Variants in FNIP1 observed in about 807,000 individuals in gnomAD.
The protein encoded by FNIP1 is folliculin interacting protein 1.
Under a neutral mutation model 124.5 loss-of-function variants are expected in FNIP1, and 40 were observed. The observed-to-expected ratio is 0.32, with a 90% CI of 0.25 to 0.42. The LOEUF is 0.42. Among genes scored for constraint, FNIP1 ranks in the 10% least tolerant of loss-of-function variants. FNIP1 has a pLI of 1.00. For synonymous variants in FNIP1, 472 were observed against 470.6 expected, an observed-to-expected ratio of 1.00 and a Z score of -0.04; for missense variants, 1,176 against 1,403.7, an observed-to-expected ratio of 0.84 and a Z score of 2.59.
chr5:131,764,618 GT>G (rs1371600325), intron 1 of FNIP1, among the ~76,000 whole-genome samples: 1 of 151,986 alleles, frequency 6.6e-6, no homozygotes, highest in African/African-American at 2.4e-5. Flanking sequence ...CCTATTTAAT[GT>G]TTTTTAAAAA....
chr5:131,721,182 C>T (rs993668029), intron 3 of FNIP1, among the ~76,000 whole-genome samples: 17 of 152,098 alleles, frequency 1.1e-4, no homozygotes, highest in Admixed American at 7.2e-4. Context: ...ACACGCAACA[C>T]GGATGAATCT....
At chr5:131,738,009 A>G (rs1770372624) in intron 2 of FNIP1, among the ~76,000 whole-genome samples, 1 of 152,136 alleles carries the variant, frequency 6.6e-6, no homozygotes, top group Admixed American at 6.5e-5. Context: ...AGATCAGCAG[A>G]CATTAGTTTT....
At chr5:131,758,214 T>G (rs532128879) in intron 1 of FNIP1, among the ~76,000 whole-genome samples, 116 of 152,302 alleles carry the variant, frequency 7.6e-4, no homozygotes, top group Middle Eastern at 3.4e-3. Flanking sequence ...CATTCTAAAT[T>G]TATTCATTTC....
rs927889779 is a variant in FNIP1, at chr5:131,751,873, A to C, written c.93-7183T>G. On this transcript the variant is annotated intron_variant, in intron 1 of 17. Coordinates refer to ENST00000510461, the MANE Select transcript of FNIP1 (RefSeq NM_133372.3). ...GAGATGAAATGTTCTGGAATTAGAC[A>C]GTGGTGATGGTCACCAAAAAACTTT... is the stretch of plus-strand genomic sequence containing the variant. Among the ~76,000 whole-genome samples the C allele has an allele frequency of 2.6e-5, 4 of 152,228 alleles. No homozygotes were observed. The South Asian group carries it at 8.3e-4, about 32-fold the overall frequency.
rs78582158 is a variant in FNIP1 at position 131,710,065 on chromosome 5, A to G, written c.706+513T>C. 3.1e-3 allele frequency among the ~76,000 whole-genome samples: 470 copies of G among 152,368 alleles called. 2 individuals carry two copies. The highest frequency in any genetic ancestry group is 4.4e-3 in the Non-Finnish European group (299 of 68,030). On this transcript the variant is annotated intron_variant, in intron 7 of 17. Coordinates refer to ENST00000510461, the MANE Select transcript of FNIP1 (RefSeq NM_133372.3). ...TCAACTTGATTATGTAAGCAAATATAGTCATATATGCCTTTTACAGAGCAT... is the reference window on the plus strand; with the variant it reads ...TCAACTTGATTATGTAAGCAAATATGGTCATATATGCCTTTTACAGAGCAT...
intron 13 of FNIP1, among the ~76,000 whole-genome samples, chr5:131,676,944 A>G (rs1273671717): frequency 6.6e-6 from 1 of 152,130 alleles, no homozygotes; most frequent in Admixed American, 6.5e-5. Context: ...GAAAGTTACT[A>G]CCCAGTCACC....
chr5:131,690,728 A>T (rs1403483982), intron 11 of FNIP1, among the ~76,000 whole-genome samples: 3 of 152,198 alleles, frequency 2.0e-5, no homozygotes, highest in Non-Finnish European at 4.4e-5. Context: ...TTAACTTCAG[A>T]CAAAGCAGAG....
intron 1 of FNIP1, among the ~76,000 whole-genome samples, chr5:131,765,677 A>G (rs943096918): frequency 6.6e-5 from 10 of 152,172 alleles, no homozygotes; most frequent in African/African-American, 2.4e-4. Flanking sequence ...TTCTGTTCCA[A>G]TGGTTTATCT....
intron 11 of FNIP1, among the ~76,000 whole-genome samples, chr5:131,693,022 A>T (rs1009491821): frequency 1.6e-4 from 23 of 147,956 alleles, no homozygotes; most frequent in African/African-American, 4.0e-4. Flanking sequence ...AAATAAATTT[A>T]AAAAAAAAAA....
intron 15 of FNIP1, among the ~76,000 whole-genome samples, chr5:131,663,905 G>C (rs1023605243): frequency 1.6e-4 from 25 of 152,200 alleles, no homozygotes; most frequent in Admixed American, 1.5e-3. Context: ...TGGTTTTGAT[G>C]GGAGGCTATA....
At chr5:131,771,879 G>A (rs558965230) in intron 1 of FNIP1, among the ~76,000 whole-genome samples, 3 of 151,954 alleles carry the variant, frequency 2.0e-5, no homozygotes, top group South Asian at 4.2e-4. Context: ...TTCCACCTAC[G>A]CACATTTGAC....
intron 1 of FNIP1, among the ~76,000 whole-genome samples, chr5:131,762,921 AAGAC>A (rs560030857): frequency 8.6e-4 from 131 of 152,308 alleles, no homozygotes; most frequent in African/African-American, 3.1e-3. Flanking sequence ...CAGGCACAGA[AAGAC>A]AAACTTTCCA....
In FNIP1 at chr5:131,726,521, C is replaced by A. The variant is rs1769877204; in HGVS notation, c.354+4383G>T. ...GTAGTTTGTATTTCTGTGGGATCAA[C>A]ACGTTTCTTATTGTGTTTATTTGAT... On this transcript the variant is annotated intron_variant, in intron 3 of 17. Transcript: ENST00000510461. 2.0e-5 allele frequency among the ~76,000 whole-genome samples: 3 copies of A among 151,144 alleles called. No individual in the cohort carries two copies. The Middle Eastern group carries it at 0.01, about 514-fold the overall frequency.
intron 1 of FNIP1, among the ~76,000 whole-genome samples, chr5:131,783,058 G>T (rs1005213139): frequency 2.6e-5 from 4 of 152,230 alleles, no homozygotes; most frequent in African/African-American, 9.6e-5. Context: ...TAGTGTAAAT[G>T]TAACTTTTAT....
intron 2 of FNIP1, among the ~76,000 whole-genome samples, chr5:131,741,610 T>C (rs1770514957): frequency 6.6e-6 from 1 of 152,214 alleles, no homozygotes; most frequent in Non-Finnish European, 1.5e-5. Context: ...AACGCAGAAA[T>C]GGATCAATAT....
chr5:131,657,736 CAAAAAA>C (rs59097834), intron 15 of FNIP1, among the ~76,000 whole-genome samples: 2,960 of 65,078 alleles, frequency 0.045, 175 homozygotes, highest in African/African-American at 0.17. Flanking sequence ...GAAAATAAGG[CAAAAAA>C]AAAAAAAAAA....
In FNIP1 at chr5:131,792,320, C is replaced by A. The variant is rs1772434697; in HGVS notation, c.92+4510G>T. Among the ~76,000 whole-genome samples, 4 of 152,156 alleles carry A rather than the reference C, an allele frequency of 2.6e-5. No homozygotes were observed. In the South Asian group the frequency reaches 8.3e-4, roughly 32 times the overall value. ...GGATTACAGGCGCCCGCCACCACAC[C>A]CAGCTGATTCTTGCATTTTTAGTAG... On this transcript the variant is annotated intron_variant, in intron 1 of 17. Transcript: ENST00000510461.
intron 1 of FNIP1, among the ~76,000 whole-genome samples, chr5:131,777,162 A>C (rs1457469168): frequency 1.3e-5 from 2 of 152,058 alleles, no homozygotes; most frequent in Non-Finnish European, 1.5e-5. Context: ...GTTATAAAAT[A>C]AACTATAGTA....
chr5:131,650,593 A>G (rs959242932), intron 16 of FNIP1, among the ~76,000 whole-genome samples: 2 of 152,112 alleles, frequency 1.3e-5, no homozygotes, highest in African/African-American at 4.8e-5. Context: ...CTCTTTTCCA[A>G]TCTTGAAGTC....
Sources: allele counts gnomAD v4.1 joint callset (sites outside exome capture counted in the v4.1 genomes callset), GRCh38; gene constraint gnomAD v4.1.1; transcripts MANE v1.5; gene names NCBI Gene and HGNC (gene_info 2026-07-23, HGNC 2026-07-21).